Variants in NT5DC1 observed in about 807,000 individuals in gnomAD.
NT5DC1 encodes 5'-nucleotidase domain containing 1.
A neutral mutation model predicts 59.4 loss-of-function variants in NT5DC1; 42 were observed. The ratio of observed to expected loss-of-function variants is 0.71; its 90% CI spans 0.55 to 0.92. NT5DC1 has a LOEUF of 0.92. Among genes scored for constraint, NT5DC1 ranks in the 40% least tolerant of loss-of-function variants. The pLI, the probability that NT5DC1 is intolerant of heterozygous loss-of-function variation, is 0.00. For missense variants in NT5DC1, 501 were observed against 537.1 expected (o/e 0.93, Z 0.66); for synonymous variants, 172 against 188.1 (o/e 0.91, Z 0.70).
chr6:116,212,929 A>G (rs956003924), intron 6 of NT5DC1, among the ~76,000 whole-genome samples: 5 of 152,204 alleles, frequency 3.3e-5, no homozygotes, highest in Non-Finnish European at 7.3e-5. Context: ...GTAAATTTAT[A>G]TGCAGTAGAA....
At chr6:116,198,309 T>C (rs928454672) in intron 6 of NT5DC1, among the ~76,000 whole-genome samples, 16 of 152,088 alleles carry the variant, frequency 1.1e-4, no homozygotes, top group African/African-American at 2.7e-4. Flanking sequence ...ATGTGGCCAG[T>C]AAATGATGGC....
intron 6 of NT5DC1, among the ~76,000 whole-genome samples, chr6:116,163,139 A>T (rs76914585): frequency 0.3 from 29,566 of 97,760 alleles, 4,621 homozygotes; most frequent in East Asian, 0.45. Flanking sequence ...AAAAAAAAAA[A>T]AAATATATAT....
rs531255358 is a variant in NT5DC1, at chr6:116,175,955, C to CTTGT, written c.530-45084_530-45081dup. 2.9e-4 allele frequency among the ~76,000 whole-genome samples: 44 copies of CTTGT among 152,070 alleles called. No homozygotes were observed. The South Asian group carries it at 8.3e-3, about 29-fold the overall frequency. On this transcript the variant is annotated intron_variant, in intron 6 of 11. Transcript: ENST00000319550. ...TTAGCGCTGGGTTGTTTGGGGGCTT[C>CTTGT]TTGTTTGTTTGTTTGTTTTGTATAT...
chr6:116,158,068 C>T (rs749548742), intron 6 of NT5DC1, among the ~76,000 whole-genome samples: 1 of 152,174 alleles, frequency 6.6e-6, no homozygotes, highest in Non-Finnish European at 1.5e-5. Flanking sequence ...AGCTTCAGCT[C>T]TCAAAAAGTC....
At chr6:116,193,427 TTCAAATC>T (rs2114496073) in intron 6 of NT5DC1, among the ~76,000 whole-genome samples, 1 of 152,202 alleles carries the variant, frequency 6.6e-6, no homozygotes, top group South Asian at 2.1e-4. Flanking sequence ...AAAACTTGAT[TTCAAATC>T]TGGAACTTGC....
intron 6 of NT5DC1, among the ~76,000 whole-genome samples, chr6:116,172,325 T>TG (rs1358860817): frequency 2.7e-5 from 4 of 146,598 alleles, no homozygotes; most frequent in African/African-American, 1.0e-4. Context: ...AACTTTTTTT[T>TG]TTTTTTTTTT....
intron 6 of NT5DC1, among the ~76,000 whole-genome samples, chr6:116,200,489 G>A (rs1163314157): frequency 6.6e-6 from 1 of 151,980 alleles, no homozygotes; most frequent in Non-Finnish European, 1.5e-5. Flanking sequence ...TGAGTGTGAG[G>A]TGTATGGGAA....
At chr6:116,236,758 C>T (rs1476793194) in intron 8 of NT5DC1, among the ~76,000 whole-genome samples, 2 of 152,058 alleles carry the variant, frequency 1.3e-5, no homozygotes, top group Non-Finnish European at 2.9e-5. Flanking sequence ...CTTCCTTGAA[C>T]CTTATTTTCC....
At chr6:116,240,300 A>C (rs1260724474) in intron 11 of NT5DC1, among the ~76,000 whole-genome samples, 1 of 152,252 alleles carries the variant, frequency 6.6e-6, no homozygotes, top group Non-Finnish European at 1.5e-5. Flanking sequence ...GAGGAAAAAA[A>C]TAATAAAACA....
chr6:116,140,603 G>C (rs1174144563), intron 6 of NT5DC1, among the ~76,000 whole-genome samples: 2 of 152,046 alleles, frequency 1.3e-5, no homozygotes, highest in Admixed American at 6.5e-5. Context: ...GGCATTCCCT[G>C]TGTTTCCTCA....
chr6:116,227,265 TC>T (rs1685946219), intron 8 of NT5DC1, among the ~76,000 whole-genome samples: 1 of 152,294 alleles, frequency 6.6e-6, no homozygotes, highest in South Asian at 2.1e-4. Flanking sequence ...TAACATTGTG[TC>T]CTCCAGGTTC....
chr6:116,108,504 G>A, intron 3 of NT5DC1, 69 bp downstream of exon 3: 3 of 848,800 alleles, frequency 3.5e-6, no homozygotes, highest in Non-Finnish European at 6.2e-6. Flanking sequence ...AGTGGCATAT[G>A]ACCCTTACAG....
intron 6 of NT5DC1, among the ~76,000 whole-genome samples, chr6:116,168,449 T>C (rs1780528151): frequency 6.6e-6 from 1 of 152,136 alleles, no homozygotes; most frequent in Non-Finnish European, 1.5e-5. Flanking sequence ...GTTCTTTTTC[T>C]ATTTTTCAAT....
chr6:116,158,321 C>G (rs1780251297), intron 6 of NT5DC1, among the ~76,000 whole-genome samples: 2 of 151,830 alleles, frequency 1.3e-5, no homozygotes, highest in Admixed American at 1.3e-4. Flanking sequence ...TACATGGATG[C>G]TTTCCTCCTT....
At chr6:116,104,822 C>G (rs907116238) in intron 1 of NT5DC1, among the ~76,000 whole-genome samples, 5 of 152,048 alleles carry the variant, frequency 3.3e-5, no homozygotes, top group African/African-American at 1.2e-4. Context: ...CAGGGTGACT[C>G]AGTGTATTTT....
intron 6 of NT5DC1, among the ~76,000 whole-genome samples, chr6:116,161,344 T>C (rs979534517): frequency 6.6e-6 from 1 of 151,130 alleles, no homozygotes; most frequent in Non-Finnish European, 1.5e-5. Flanking sequence ...AGTATAATAA[T>C]AATAAAAAAT....
At chr6:116,206,610 A>C (rs561930460) in intron 6 of NT5DC1, among the ~76,000 whole-genome samples, 2 of 152,140 alleles carry the variant, frequency 1.3e-5, no homozygotes, top group South Asian at 4.1e-4. Flanking sequence ...CAACAGCAAC[A>C]GCTGTTTCTT....
rs76700029 is a variant in NT5DC1, at chr6:116,196,208, A to G, written c.530-24846A>G. Among the ~76,000 whole-genome samples the G allele has an allele frequency of 4.3e-3, 648 of 152,108 alleles. 4 individuals are homozygous for G. The highest frequency in any genetic ancestry group is 0.015 in the African/African-American group (612 of 41,546). On this transcript the variant is annotated intron_variant, in intron 6 of 11. Transcript: ENST00000319550. ...TAACTTCCTTGATGACTTAAACCTCAAATCACCCAGCAATGACCTTCAGGA... is the reference window on the plus strand; with the variant it reads ...TAACTTCCTTGATGACTTAAACCTCGAATCACCCAGCAATGACCTTCAGGA...
In NT5DC1 at chr6:116,161,450, G is replaced by C. The variant is rs564359580; in HGVS notation, c.529+43505G>C. Among the ~76,000 whole-genome samples, 5 of 152,164 alleles carry C rather than the reference G, an allele frequency of 3.3e-5. No homozygotes were observed. In the East Asian group the frequency reaches 7.7e-4, roughly 23 times the overall value. On this transcript the variant is annotated intron_variant, in intron 6 of 11. Transcript: ENST00000319550. ...AATAGGGGTCCAGTTTTATTCTTCTGTATATAGATAGCCAGCTTTCCCAGC... is the reference window on the plus strand; with the variant it reads ...AATAGGGGTCCAGTTTTATTCTTCTCTATATAGATAGCCAGCTTTCCCAGC...
Sources: gnomAD v4.1 joint callset for allele counts (sites outside exome capture counted in the v4.1 genomes callset) on GRCh38, gnomAD v4.1.1 for gene constraint, MANE v1.5 for transcripts, NCBI Gene and HGNC (gene_info 2026-07-23, HGNC 2026-07-21) for gene names.